The following CARD14 variants were observed in gnomAD, a reference collection of about 807,000 sequenced individuals.
CARD14 encodes the protein caspase recruitment domain family member 14.
In CARD14, 107 loss-of-function variants were observed where a neutral mutation model predicts 111.5. That is an observed-to-expected ratio of 0.96 (90% confidence interval 0.82 to 1.13). The LOEUF is 1.13. Ranked by LOEUF, CARD14 falls within the 50% of genes most tolerant of loss-of-function variation. The probability of loss-of-function intolerance (pLI) is 0.00; values close to 1 mark genes in which losing one functional copy is unlikely to be tolerated. For synonymous variants in CARD14, 617 were observed against 579.6 expected (o/e 1.06, Z -0.93); for missense variants, 1,322 against 1,362.3 (o/e 0.97, Z 0.47).
Position 80,184,264 on chromosome 17 carries a change from G to A in CARD14, c.675+26G>A, listed in dbSNP as rs4889991. On this transcript the variant is annotated intron_variant, in intron 7 of 23. Coordinates refer to ENST00000648509, the MANE Select transcript of CARD14 (RefSeq NM_001366385.1). ...GTAGGGGGACACCCTGCACCCCGGC[G>A]CGACCCTGCTGTCGTCTGCCCCCAG... 0.82 allele frequency: 1,209,889 copies of A among 1,476,342 alleles called. 497,692 individuals carry two copies. The highest frequency in any genetic ancestry group is 0.9 in the Middle Eastern group (3,753 of 4,174). The allele number at this position is 1,476,342 out of a possible 1,614,324, so 91.5% of individuals were successfully genotyped here.
At chr17:80,205,743 G>A (rs1250555403) in intron 22 of CARD14, 91 bp downstream of exon 22, 6 of 1,321,902 alleles carry the variant, frequency 4.5e-6, no homozygotes, top group East Asian at 2.6e-5. Flanking sequence ...TACAGGGACC[G>A]ACCTGAGACC....
At position 80,198,107 on chromosome 17, in the gene CARD14, C is replaced by T. The variant is rs202166921; in HGVS notation, c.1603C>T (p.Gln535Ter). The T allele has an allele frequency of 1.4e-5, 23 of 1,613,620 alleles. No homozygotes were observed. The East Asian group carries it at 4.2e-4, about 30-fold the overall frequency. ...YELLDTADLP[Q>*]LESSLQPVSP... The stretch of plus-strand genomic sequence containing the variant: ...TCTTGGCTTCCTCCCAGACCTTCCG[C>T]AGCTGGAAAGCAGCCTGCAGCCAGT... Residue 535 changes from glutamine (Q) to a stop codon, truncating the protein, a stop_gained, in exon 15 of 24, where the codon CAG becomes TAG. Transcript: ENST00000648509. LOFTEE classifies it high-confidence loss of function. This position sits in a 1 kb window ranked among gnomAD's most constrained non-coding sequence, Gnocchi z 7.5.
chr17:80,182,376 C>T lies in CARD14; in HGVS notation c.212-277C>T, dbSNP rs956124491. ...CCTCCTCACCCCGTCCCGGTCCCCC[C>T]GCACTCGCCAGAGCACTGGGGTTGC... On this transcript the variant is annotated intron_variant, in intron 5 of 23. Transcript: ENST00000648509. The surrounding 1 kb of genome is among the most constrained non-coding windows in gnomAD (Gnocchi z 4.7). Among the ~76,000 whole-genome samples the T allele has an allele frequency of 3.1e-4, 47 of 152,348 alleles. No individual in the cohort carries two copies. The highest frequency in any genetic ancestry group is 5.7e-4 in the Non-Finnish European group (39 of 68,034).
chr17:80,183,838 A>C, intron 6 of CARD14, 75 bp from the exon 7 acceptor site: 1 of 1,263,086 alleles, frequency 7.9e-7, no homozygotes. Context: ...CCACCTGCTC[A>C]CCTGCTCACC....
At position 80,198,384 on chromosome 17, in the gene CARD14, T is replaced by C. The variant is rs1186577956; in HGVS notation, c.1659-15T>C. ...CTCTGGGCAGTGCACAAGCCGGTCG[T>C]CTCCCGGCCTGCAGCGGCGTCCTCA... is the stretch of plus-strand genomic sequence containing the variant. On this transcript the variant is annotated splice_polypyrimidine_tract_variant and intron_variant, in intron 15 of 23. Coordinates refer to ENST00000648509, the MANE Select transcript of CARD14 (RefSeq NM_001366385.1). The surrounding 1 kb of genome is among the most constrained non-coding windows in gnomAD (Gnocchi z 7.5). 1.3e-6 allele frequency: 2 copies of C among 1,589,170 alleles called. No individual in the cohort carries two copies. The highest frequency in any genetic ancestry group is 3.4e-5 in the Admixed American group (2 of 58,962).
chr17:80,197,802 C>A (rs2040773584), intron 14 of CARD14, among the ~76,000 whole-genome samples: 1 of 152,166 alleles, frequency 6.6e-6, no homozygotes, highest in South Asian at 2.1e-4. Flanking sequence ...GTGGTCAGAC[C>A]CTCCCAGTTG....
At chr17:80,190,695 C>G (rs2040497306) in intron 9 of CARD14, 79 bp from the exon 10 acceptor site, 5 of 1,563,516 alleles carry the variant, frequency 3.2e-6, no homozygotes, top group South Asian at 1.2e-5. Context: ...CCCTCCACCC[C>G]TGGGTTCCCC....
In CARD14 at chr17:80,192,526, G is replaced by A. The variant is rs1567883115; in HGVS notation, c.1263G>A (p.Arg421=). 1.2e-6 allele frequency: 2 copies of A among 1,613,738 alleles called. No homozygotes were observed. The highest frequency in any genetic ancestry group is 1.3e-5 in the African/African-American group (1 of 75,058). Residue 421 remains arginine (R), a synonymous_variant, in exon 12 of 24, where the codon AGG becomes AGA. Coordinates refer to ENST00000648509, the MANE Select transcript of CARD14 (RefSeq NM_001366385.1). ...PGVLKQEART[R]EPCPREKQRL... The stretch of plus-strand genomic sequence containing the variant: ...AGCTCAAGCAGGAAGCCAGGACCAG[G>A]GAGCCCTGTCCACGGGAGAAGCAGC...
Position 80,202,219 on chromosome 17 carries a change from C to T in CARD14, c.2018C>T (p.Ala673Val), listed in dbSNP as rs753197925. 33 of 1,613,834 alleles carry T rather than the reference C, an allele frequency of 2.0e-5. No individual in the cohort carries two copies. The highest frequency in any genetic ancestry group is 1.4e-4 in the South Asian group (13 of 91,086). Residue 673 changes from alanine (A) to valine (V), a missense_variant, in exon 18 of 24, where the codon GCG becomes GTG. Ala to Val is a moderately conservative substitution (Grantham distance 64). Coordinates refer to ENST00000648509, the MANE Select transcript of CARD14 (RefSeq NM_001366385.1). ...CTCCAGGACCTGGAGGCCAAAGTGG[C>T]GACCTCGGGGGACTCATTCTACATC... ...RLLQDLEAKV[A>V]TSGDSFYIRV...
In CARD14 at chr17:80,181,663, C is replaced by T; in HGVS notation, c.211+14C>T. The T allele has an allele frequency of 6.5e-7, 1 of 1,533,482 alleles. No homozygotes were observed. Among genetic ancestry groups the T allele is most frequent in the South Asian group, 1.2e-5 (1 of 83,382 alleles). 95.0% of individuals were successfully genotyped at this position (1,533,482 alleles called of 1,614,324 possible). ...CCATGCGGGCCGGTGAGCGCAGCTC[C>T]CTCTTCCCCACCTCTTCCAGCTTCC... is the stretch of plus-strand genomic sequence containing the variant. On this transcript the variant is annotated intron_variant, in intron 5 of 23. Coordinates refer to ENST00000648509, the MANE Select transcript of CARD14 (RefSeq NM_001366385.1).
intron 7 of CARD14, among the ~76,000 whole-genome samples, chr17:80,186,784 A>G (rs2040358460): frequency 6.6e-6 from 1 of 152,144 alleles, no homozygotes; most frequent in South Asian, 2.1e-4. Context: ...TCCTGACCTC[A>G]GGTGATCCGC....
In CARD14 at chr17:80,179,313, G is replaced by A. The variant is rs879276776; in HGVS notation, c.-21+12G>A. The A allele has an allele frequency of 3.3e-5, 5 of 152,210 alleles. No individual in the cohort carries two copies. The highest frequency in any genetic ancestry group is 7.3e-5 in the Non-Finnish European group (5 of 68,044). The allele number at this position is 152,210 out of a possible 1,614,324, so 9.4% of individuals were successfully genotyped here. A position where few individuals can be genotyped will look rare whatever the true frequency, so the allele number is the denominator to read the frequency against. ...CCTCCCACAGGAGCGTAAGTCCACT[G>A]TGGTTATTCATATCATTGAATCCAG... On this transcript the variant is annotated intron_variant, in intron 4 of 23. Coordinates refer to ENST00000648509, the MANE Select transcript of CARD14 (RefSeq NM_001366385.1).
chr17:80,186,887 T>C (rs2040361398), intron 7 of CARD14, among the ~76,000 whole-genome samples: 1 of 152,178 alleles, frequency 6.6e-6, no homozygotes, highest in African/African-American at 2.4e-5. Context: ...TGGGCGTAGG[T>C]GTGTCCATCA....
chr17:80,180,339 C>T (rs912376113), intron 4 of CARD14, among the ~76,000 whole-genome samples: 2 of 152,226 alleles, frequency 1.3e-5, no homozygotes, highest in African/African-American at 4.8e-5. Context: ...TGCAGCTCAG[C>T]CCTTTCGGGG....
At chr17:80,172,608 C>A (rs181432407) in intron 1 of CARD14, among the ~76,000 whole-genome samples, 1 of 152,126 alleles carries the variant, frequency 6.6e-6, no homozygotes, top group Non-Finnish European at 1.5e-5. Context: ...AGCTCGGCGT[C>A]GGCGTGCCTT....
At chr17:80,177,069 G>T (rs375985200) in intron 2 of CARD14, among the ~76,000 whole-genome samples, 1 of 152,176 alleles carries the variant, frequency 6.6e-6, no homozygotes. Context: ...GAGCAGGGCC[G>T]CACCCCCATG....
chr17:80,181,718 C>T lies in CARD14; in HGVS notation c.211+69C>T, dbSNP rs1427970134. 7 of 1,396,058 alleles carry T rather than the reference C, an allele frequency of 5.0e-6. No homozygotes were observed. The East Asian group carries it at 1.8e-4, about 35-fold the overall frequency. The allele number at this position is 1,396,058 out of a possible 1,614,324, so 86.5% of individuals were successfully genotyped here. A position where few individuals can be genotyped will look rare whatever the true frequency, so the allele number is the denominator to read the frequency against. ...GCCCACATGGCTCCACTGTCTGCCT[C>T]TGTCTTCAGGGGGTCTCTTCTCGTC... On this transcript the variant is annotated intron_variant, in intron 5 of 23. Coordinates refer to ENST00000648509, the MANE Select transcript of CARD14 (RefSeq NM_001366385.1).
chr17:80,193,045 T>C (rs1048760349), intron 12 of CARD14, among the ~76,000 whole-genome samples: 2 of 152,184 alleles, frequency 1.3e-5, no homozygotes, highest in Admixed American at 1.3e-4. Context: ...CCACCGCACC[T>C]GGCCCTATTG....
intron 14 of CARD14, 141 bp from the exon 15 acceptor site, chr17:80,197,958 G>C: frequency 1.3e-6 from 1 of 756,342 alleles, no homozygotes; most frequent in Non-Finnish European, 2.4e-6. Context: ...AAGGGGCTGA[G>C]GTTACAGGAG....
Sources: gnomAD v4.1 joint callset for allele counts (sites outside exome capture counted in the v4.1 genomes callset) on GRCh38, gnomAD v4.1.1 for gene constraint, Gnocchi (gnomAD v3.1) non-coding constraint, MANE v1.5 for transcripts, NCBI Gene and HGNC (gene_info 2026-07-23, HGNC 2026-07-21) for gene names.